RANBP2: variants seen among roughly 807,000 people sequenced by gnomAD.
RANBP2 encodes E3 SUMO-protein ligase RanBP2.
In RANBP2, 57 loss-of-function variants were observed where a neutral mutation model predicts 303.6. The observed-to-expected ratio is 0.19, with a 90% CI of 0.15 to 0.23. The LOEUF (loss-of-function observed/expected upper bound fraction) is 0.23. RANBP2 is among the 10% of genes least tolerant of loss of function. RANBP2 has a pLI of 1.00. For missense variants in RANBP2, 3,138 were observed against 3,780.8 expected, an observed-to-expected ratio of 0.83 and a Z score of 4.46; for synonymous variants, 1,167 against 1,301.5, an observed-to-expected ratio of 0.90 and a Z score of 2.23.
chr2:109,295,984 C>T, the RANBP2 span, among the ~76,000 whole-genome samples: 1 of 152,238 alleles, frequency 6.6e-6, no homozygotes, highest in African/African-American at 2.4e-5. Context: ...TTCACTATAG[C>T]TTGGTTGGAG....
At chr2:109,373,564 C>T in the RANBP2 span, among the ~76,000 whole-genome samples, 1 of 151,982 alleles carries the variant, frequency 6.6e-6, no homozygotes, top group South Asian at 2.1e-4. Context: ...AAGTAAATGC[C>T]GTATGGGTTT....
intron 17 of RANBP2, among the ~76,000 whole-genome samples, chr2:108,757,377 T>A (rs1676398878): frequency 6.6e-6 from 1 of 152,222 alleles, no homozygotes; most frequent in Non-Finnish European, 1.5e-5. Context: ...AAAACATTTT[T>A]GGAGTCAGAT....
chr2:109,623,691 G>T, the RANBP2 span, among the ~76,000 whole-genome samples: 2 of 152,232 alleles, frequency 1.3e-5, no homozygotes, highest in African/African-American at 4.8e-5. Flanking sequence ...GTGCACCCAG[G>T]TGGGTGCTGT....
At chr2:109,241,674 T>C in the RANBP2 span, among the ~76,000 whole-genome samples, 46 of 152,224 alleles carry the variant, frequency 3.0e-4, no homozygotes, top group South Asian at 7.7e-3. Context: ...GGTTCGGCAG[T>C]TCTCTCCCCC....
the RANBP2 span, among the ~76,000 whole-genome samples, chr2:109,516,720 C>T: frequency 1.3e-5 from 2 of 152,252 alleles, no homozygotes; most frequent in African/African-American, 4.8e-5. Context: ...AACTGCAGTG[C>T]AAGCGGGATC....
At chr2:109,563,977 C>A in the RANBP2 span, among the ~76,000 whole-genome samples, 6 of 152,188 alleles carry the variant, frequency 3.9e-5, 1 homozygote, top group African/African-American at 1.4e-4. Flanking sequence ...ATAAATAAAA[C>A]TAAGAAAATG....
At chr2:109,195,092 A>G in the RANBP2 span, among the ~76,000 whole-genome samples, 1 of 152,228 alleles carries the variant, frequency 6.6e-6, no homozygotes, top group African/African-American at 2.4e-5. Context: ...ACTGAAAAGA[A>G]GAGCATTTTA....
the RANBP2 span, among the ~76,000 whole-genome samples, chr2:108,830,426 G>C: frequency 6.6e-6 from 1 of 152,198 alleles, no homozygotes; most frequent in Non-Finnish European, 1.5e-5. Context: ...TTCCAACAAA[G>C]TGTCAATTAG....
the RANBP2 span, among the ~76,000 whole-genome samples, chr2:109,372,993 A>G: frequency 6.6e-6 from 1 of 152,166 alleles, no homozygotes. Context: ...TCCATAGTCT[A>G]TTTTGCAGCC....
the RANBP2 span, among the ~76,000 whole-genome samples, chr2:109,498,387 G>A: frequency 1.5e-4 from 23 of 152,180 alleles, no homozygotes; most frequent in Non-Finnish European, 1.8e-4. Context: ...CCAGCCTGGT[G>A]CAAGCTGGGC....
the RANBP2 span, among the ~76,000 whole-genome samples, chr2:109,418,482 ATCC>A: frequency 1.3e-5 from 2 of 152,054 alleles, no homozygotes; most frequent in Non-Finnish European, 2.9e-5. Flanking sequence ...GGCTGCCGGC[ATCC>A]TCAGCACCCC....
the RANBP2 span, among the ~76,000 whole-genome samples, chr2:109,358,675 G>A: frequency 6.6e-6 from 1 of 152,128 alleles, no homozygotes; most frequent in South Asian, 2.1e-4. Context: ...TGTGTATTTT[G>A]CATAATAATC....
the RANBP2 span, among the ~76,000 whole-genome samples, chr2:109,123,347 CT>C: frequency 6.7e-6 from 1 of 150,210 alleles, no homozygotes; most frequent in Non-Finnish European, 1.5e-5. Flanking sequence ...TCCTTCCTTC[CT>C]TCCTTCCTTC....
the RANBP2 span, among the ~76,000 whole-genome samples, chr2:108,954,412 G>A: frequency 3.6e-4 from 55 of 152,160 alleles, no homozygotes; most frequent in East Asian, 5.8e-3. Context: ...GCCCTCTCTC[G>A]CCCTGCAAAC....
At chr2:109,651,355 G>A in the RANBP2 span, among the ~76,000 whole-genome samples, 1 of 152,148 alleles carries the variant, frequency 6.6e-6, no homozygotes, top group African/African-American at 2.4e-5. Flanking sequence ...AGTTCAGAAA[G>A]TACAAGTATT....
At chr2:108,811,751 AACCCCT>A in the RANBP2 span, among the ~76,000 whole-genome samples, 1 of 152,076 alleles carries the variant, frequency 6.6e-6, no homozygotes. Context: ...GTTAATTTTC[AACCCCT>A]ACCCCTCTCC....
chr2:108,760,011 C>G (rs528391703), intron 18 of RANBP2, among the ~76,000 whole-genome samples: 1 of 152,248 alleles, frequency 6.6e-6, no homozygotes, highest in East Asian at 1.9e-4. Flanking sequence ...TACAGGTTCA[C>G]AAAACAGCTT....
the RANBP2 span, among the ~76,000 whole-genome samples, chr2:109,444,670 C>T: frequency 1.3e-5 from 2 of 152,148 alleles, no homozygotes; most frequent in Admixed American, 1.3e-4. Context: ...CTCCAAGAAG[C>T]CCATTAAACC....
chr2:109,108,879 G>T, the RANBP2 span, among the ~76,000 whole-genome samples: 1 of 152,146 alleles, frequency 6.6e-6, no homozygotes, highest in South Asian at 2.1e-4. Context: ...TGTCTGTGAG[G>T]GTGCTGAGGG....
Sources: allele counts gnomAD v4.1 joint callset (sites outside exome capture counted in the v4.1 genomes callset), GRCh38; gene constraint gnomAD v4.1.1; transcripts MANE v1.5; gene names NCBI Gene and HGNC (gene_info 2026-07-23, HGNC 2026-07-21).